GSAP: variants seen among roughly 807,000 people sequenced by gnomAD.
GSAP encodes gamma-secretase-activating protein.
GSAP carries 118 observed loss-of-function variants against 131.7 expected under a neutral mutation model. The ratio of observed to expected loss-of-function variants is 0.90; its 90% CI spans 0.77 to 1.04. The LOEUF (loss-of-function observed/expected upper bound fraction) is 1.04, where lower values mean the gene tolerates loss of function less well. GSAP is among the 50% of genes least tolerant of loss of function. The pLI, the probability that GSAP is intolerant of heterozygous loss-of-function variation, is 0.00. For synonymous variants in GSAP, 381 were observed against 363.4 expected, an observed-to-expected ratio of 1.05 and a Z score of -0.55; for missense variants, 1,019 against 1,013.2, an observed-to-expected ratio of 1.01 and a Z score of -0.08.
chr7:77,313,319 A>C (rs569203406), intron 28 of GSAP, among the ~76,000 whole-genome samples, 169 bp downstream of exon 28: 1 of 152,360 alleles, frequency 6.6e-6, no homozygotes, highest in African/African-American at 2.4e-5. Context: ...GCCAAGTGGG[A>C]AACAGCTAAC....
intron 5 of GSAP, among the ~76,000 whole-genome samples, chr7:77,395,739 T>C (rs1800271830): frequency 6.6e-6 from 1 of 152,020 alleles, no homozygotes; most frequent in Non-Finnish European, 1.5e-5. Context: ...AGCCTGGGAG[T>C]GCCTCACAAG....
chr7:77,331,464 A>C (rs1398895708), intron 19 of GSAP, among the ~76,000 whole-genome samples: 1 of 152,236 alleles, frequency 6.6e-6, no homozygotes, highest in Non-Finnish European at 1.5e-5. Flanking sequence ...TCATAAAACT[A>C]AGTGAACTAT....
chr7:77,403,554 TGTGA>T (rs1234186259), intron 3 of GSAP, among the ~76,000 whole-genome samples: 1 of 150,238 alleles, frequency 6.7e-6, no homozygotes, highest in African/African-American at 2.5e-5. Flanking sequence ...CAACGCCTTA[TGTGA>T]GTAATTTGGG....
intron 3 of GSAP, among the ~76,000 whole-genome samples, chr7:77,401,941 C>T (rs1801386835): frequency 6.6e-6 from 1 of 152,142 alleles, no homozygotes; most frequent in Non-Finnish European, 1.5e-5. Context: ...AGAATCTACA[C>T]AAGTAATGAA....
At chr7:77,332,030 T>C (rs971049799) in intron 19 of GSAP, 7 of 152,184 alleles carry the variant, frequency 4.6e-5, no homozygotes, top group Non-Finnish European at 8.8e-5. Context: ...AGAAAACTAA[T>C]TGGTGTTGTG....
At position 77,384,628 on chromosome 7, in the gene GSAP, C is replaced by T. The variant is rs893690503; in HGVS notation, c.457-1985G>A. On this transcript the variant is annotated intron_variant, in intron 6 of 30. Transcript: ENST00000257626. ...CACTGGAACTATCTTGAAGACACACCTTGTGCTGGAAGGAAACACTCAAAG... is the reference window on the plus strand; with the variant it reads ...CACTGGAACTATCTTGAAGACACACTTTGTGCTGGAAGGAAACACTCAAAG... Among the ~76,000 whole-genome samples the T allele has an allele frequency of 2.8e-4, 43 of 151,990 alleles. 2 individuals are homozygous for T. Among genetic ancestry groups the T allele is most frequent in the Admixed American group, 4.6e-4 (7 of 15,260 alleles).
intron 23 of GSAP, among the ~76,000 whole-genome samples, chr7:77,324,204 G>A (rs1788019864): frequency 6.6e-6 from 1 of 152,098 alleles, no homozygotes; most frequent in African/African-American, 2.4e-5. Flanking sequence ...AAATAATCAG[G>A]TACTTCCCTC....
At position 77,387,462 on chromosome 7, in the gene GSAP, A is replaced by C; in HGVS notation, c.368-14T>G. 1 of 1,444,062 alleles carries C rather than the reference A, an allele frequency of 6.9e-7. No individual in the cohort carries two copies. The highest frequency in any genetic ancestry group is 1.2e-5 in the South Asian group (1 of 86,858). The allele number at this position is 1,444,062 out of a possible 1,614,324, so 89.5% of individuals were successfully genotyped here. On this transcript the variant is annotated splice_polypyrimidine_tract_variant and intron_variant, in intron 5 of 30. Coordinates refer to ENST00000257626, the MANE Select transcript of GSAP (RefSeq NM_017439.4). ...AGCACTTTGATCCTACAGAGAAAAG[A>C]AGGCTTTTAGTAACGAAGATTGTAA...
chr7:77,392,756 C>T (rs957394279), intron 5 of GSAP, among the ~76,000 whole-genome samples: 6 of 152,136 alleles, frequency 3.9e-5, no homozygotes, highest in African/African-American at 1.4e-4. Flanking sequence ...TTCAATATGG[C>T]CTGGTTCTGA....
intron 5 of GSAP, among the ~76,000 whole-genome samples, chr7:77,393,076 A>G (rs929936868): frequency 1.3e-5 from 2 of 152,256 alleles, no homozygotes; most frequent in Non-Finnish European, 2.9e-5. Flanking sequence ...AAAAAAAGAA[A>G]AAAAAACTGC....
Position 77,377,213 on chromosome 7 carries a change from T to C in GSAP, c.681+73A>G, listed in dbSNP as rs1357324212. The C allele has an allele frequency of 4.1e-6, 5 of 1,228,680 alleles. No homozygotes were observed. In the African/African-American group the frequency reaches 9.5e-5, roughly 23 times the overall value. The allele number at this position is 1,228,680 out of a possible 1,614,324, so 76.1% of individuals were successfully genotyped here. On this transcript the variant is annotated intron_variant, in intron 9 of 30. Coordinates refer to ENST00000257626, the MANE Select transcript of GSAP (RefSeq NM_017439.4). ...GCCTCAGCAAGAGAGCAAGACCCTG[T>C]CTCTAAAAAAATTAATATTTTTGTA...
At chr7:77,363,525 C>T (rs181105831) in intron 12 of GSAP, among the ~76,000 whole-genome samples, 2 of 152,176 alleles carry the variant, frequency 1.3e-5, no homozygotes, top group Non-Finnish European at 2.9e-5. Flanking sequence ...TGAATTCAAT[C>T]GCTACTCTAC....
intron 19 of GSAP, among the ~76,000 whole-genome samples, chr7:77,349,083 GTGC>G (rs1328759488): frequency 3.9e-5 from 6 of 152,180 alleles, no homozygotes; most frequent in African/African-American, 9.7e-5. Flanking sequence ...ACAGTGGCAA[GTGC>G]TGGTTCTGGA....
chr7:77,342,092 T>TC (rs1462391558), intron 19 of GSAP, among the ~76,000 whole-genome samples: 1 of 152,142 alleles, frequency 6.6e-6, no homozygotes, highest in East Asian at 1.9e-4. Flanking sequence ...CAGCAGCCAC[T>TC]CCCAGAGCCC....
chr7:77,358,184 T>TA (rs1377867473), intron 14 of GSAP, among the ~76,000 whole-genome samples: 1 of 152,010 alleles, frequency 6.6e-6, no homozygotes, highest in African/African-American at 2.4e-5. Flanking sequence ...CTACAAAAAA[T>TA]ATAAAAAATT....
rs546115337 is a variant in GSAP, at chr7:77,352,560, G to A, written c.1491+384C>T. Among the ~76,000 whole-genome samples the A allele has an allele frequency of 3.3e-5, 5 of 152,304 alleles. No individual in the cohort carries two copies. The East Asian group carries it at 9.6e-4, about 29-fold the overall frequency. ...CTTTTTAATGGGGCTGGAAAAAGGGGTCGTGAAGGTCCTTATCTACCAAGT... is the reference window on the plus strand; with the variant it reads ...CTTTTTAATGGGGCTGGAAAAAGGGATCGTGAAGGTCCTTATCTACCAAGT... On this transcript the variant is annotated intron_variant, in intron 18 of 30. Transcript: ENST00000257626.
At chr7:77,374,435 G>A (rs1055091458) in intron 11 of GSAP, among the ~76,000 whole-genome samples, 9 of 152,046 alleles carry the variant, frequency 5.9e-5, no homozygotes, top group Non-Finnish European at 8.8e-5. Flanking sequence ...TTCAAAGTAA[G>A]CACAGCTAAA....
At chr7:77,349,059 G>C (rs539205220) in intron 19 of GSAP, among the ~76,000 whole-genome samples, 1 of 152,162 alleles carries the variant, frequency 6.6e-6, no homozygotes, top group Non-Finnish European at 1.5e-5. Context: ...CCCCAGTACA[G>C]CCTGTTCTGA....
At chr7:77,409,674 T>C (rs1802924685) in intron 1 of GSAP, among the ~76,000 whole-genome samples, 1 of 152,116 alleles carries the variant, frequency 6.6e-6, no homozygotes, top group Admixed American at 6.5e-5. Context: ...TTGAGAAGTA[T>C]TTTTTTTCTT....
Sources: allele counts gnomAD v4.1 joint callset (sites outside exome capture counted in the v4.1 genomes callset), GRCh38; gene constraint gnomAD v4.1.1; transcripts MANE v1.5; gene names NCBI Gene and HGNC (gene_info 2026-07-23, HGNC 2026-07-21).